The following SLC6A12 variants were observed in gnomAD, a reference collection of about 807,000 sequenced individuals.
SLC6A12 encodes the protein sodium- and chloride-dependent betaine transporter.
In SLC6A12, 50 loss-of-function variants were observed where a neutral mutation model predicts 73.3. The observed-to-expected ratio is 0.68, with a 90% CI of 0.54 to 0.86. The LOEUF (loss-of-function observed/expected upper bound fraction) is 0.86, where lower values mean the gene tolerates loss of function less well. Among genes scored for constraint, SLC6A12 ranks in the 40% least tolerant of loss-of-function variants. The pLI is 0.00. For missense variants in SLC6A12, 648 were observed against 772.8 expected, an observed-to-expected ratio of 0.84 and a Z score of 1.92; for synonymous variants, 304 against 309.2, an observed-to-expected ratio of 0.98 and a Z score of 0.18.
intron 14 of SLC6A12, 34 bp downstream of exon 14, chr12:193,243 G>A (rs766344624): frequency 1.4e-6 from 2 of 1,464,582 alleles, no homozygotes. Context: ...TCTGGGGGCA[G>A]GAAGGAATAG....
At chr12:187,322 T>C (rs1939448605), downstream of SLC6A12, among the ~76,000 whole-genome samples, 1 of 152,042 alleles carries the variant, frequency 6.6e-6, no homozygotes, top group Non-Finnish European at 1.5e-5. Context: ...TGTCCGGAGT[T>C]TGTTCCTTCT....
At chr12:201,979 C>T (rs770265847) in intron 5 of SLC6A12, 130 bp from the exon 6 acceptor site, 8 of 689,120 alleles carry the variant, frequency 1.2e-5, no homozygotes, top group South Asian at 5.3e-5. Context: ...GGAGCCCCCA[C>T]TCTCCAGGGC....
chr12:197,152 T>TCTAC lies in SLC6A12; in HGVS notation c.1075+224_1075+225insGTAG, dbSNP rs1565469061. Reference sequence around the variant, plus strand: ...ATCCATCCATCCATCCATCCATCCATCCATCCATCCATCCATCCATCCATC... The same window carrying TCTAC: ...ATCCATCCATCCATCCATCCATCCATCTACCCATCCATCCATCCATCCATCCATC... On this transcript the variant is annotated intron_variant, in intron 10 of 15. Transcript: ENST00000684302. Among the ~76,000 whole-genome samples the TCTAC allele has an allele frequency of 2.4e-4, 33 of 138,028 alleles. 2 individuals carry two copies. The highest frequency in any genetic ancestry group is 7.7e-4 in the African/African-American group (28 of 36,158). 90.6% of individuals were successfully genotyped at this position (138,028 alleles called of 152,430 possible).
In SLC6A12 at chr12:198,954, A is replaced by G. The variant is rs974351903; in HGVS notation, c.712-23T>C. 4 of 1,613,526 alleles carry G rather than the reference A, an allele frequency of 2.5e-6. No individual in the cohort carries two copies. The highest frequency in any genetic ancestry group is 2.5e-6 in the Non-Finnish European group (3 of 1,179,624). Reference sequence around the variant, plus strand: ...CACCTGGAGGTGGGGGGACAGGCCAAGGTCACTCCTGGTGGGGACGCAGTG... The same window carrying G: ...CACCTGGAGGTGGGGGGACAGGCCAGGGTCACTCCTGGTGGGGACGCAGTG... On this transcript the variant is annotated intron_variant, in intron 7 of 15. Coordinates refer to ENST00000684302, the MANE Select transcript of SLC6A12 (RefSeq NM_001122848.3). This position sits in a 1 kb window ranked among gnomAD's most constrained non-coding sequence, Gnocchi z 4.0.
intron 13 of SLC6A12, chr12:194,090 T>G (rs1939749679): frequency 1.3e-5 from 2 of 152,242 alleles, no homozygotes; most frequent in African/African-American, 4.8e-5. Context: ...CCCTGATGCA[T>G]GAAATCACAC....
At position 198,154 on chromosome 12, in the gene SLC6A12, G is replaced by A. The variant is rs186349264; in HGVS notation, c.847-151C>T. ...CTGCATCCCAACTCTCCGTGAGTGC[G>A]CCCTCCGGTCTCCACGGTGATCTCC... On this transcript the variant is annotated intron_variant, in intron 8 of 15. Coordinates refer to ENST00000684302, the MANE Select transcript of SLC6A12 (RefSeq NM_001122848.3). This position sits in a 1 kb window ranked among gnomAD's most constrained non-coding sequence, Gnocchi z 4.0. The A allele has an allele frequency of 9.3e-4, 590 of 636,446 alleles. 3 individuals are homozygous for A. The Admixed American group carries it at 0.012, about 13-fold the overall frequency. The allele number at this position is 636,446 out of a possible 1,614,324, so 39.4% of individuals were successfully genotyped here. A position where few individuals can be genotyped will look rare whatever the true frequency, so the allele number is the denominator to read the frequency against.
Position 202,879 on chromosome 12 carries a change from GC to G in SLC6A12, c.350del (p.Gly117AlafsTer13). On this transcript the variant is annotated frameshift_variant and splice_region_variant, in exon 5 of 16. Coordinates refer to ENST00000684302, the MANE Select transcript of SLC6A12 (RefSeq NM_001122848.3). LOFTEE classifies it high-confidence loss of function. ...AWRKICPLFQGIGLASVVIES... is the reference protein window; with the variant it reads ...AWRKICPLFQXIGLASVVIES... ...CGATGACCACAGATGCCAGACCAAT[GC>G]CTTCCAGAGTGGGGGAGAGATGGGG... 1 of 1,613,694 alleles carries G rather than the reference GC, an allele frequency of 6.2e-7. No individual in the cohort carries two copies. The highest frequency in any genetic ancestry group is 8.5e-7 in the Non-Finnish European group (1 of 1,179,804).
chr12:196,313 C>T (rs1939863749), intron 11 of SLC6A12, 52 bp from the exon 12 acceptor site: 3 of 1,574,278 alleles, frequency 1.9e-6, no homozygotes, highest in Non-Finnish European at 2.6e-6. Flanking sequence ...GGCTGTTGGC[C>T]ACCAGCCCTG....
downstream of SLC6A12, among the ~76,000 whole-genome samples, chr12:185,718 G>C (rs1039369529): frequency 2.0e-5 from 3 of 152,186 alleles, no homozygotes; most frequent in African/African-American, 7.2e-5. Flanking sequence ...GTGCCAGCAG[G>C]TTCCTCAGAC....
At position 198,276 on chromosome 12, in the gene SLC6A12, C is replaced by T. The variant is rs990952187; in HGVS notation, c.847-273G>A. On this transcript the variant is annotated intron_variant, in intron 8 of 15. Transcript: ENST00000684302. This position sits in a 1 kb window ranked among gnomAD's most constrained non-coding sequence, Gnocchi z 4.0. The stretch of plus-strand genomic sequence containing the variant: ...GGATTTCTCCAGGGGAATCTACAAA[C>T]CATGGCTGCACCCAAGGCCTATCTG... 6.6e-6 allele frequency among the ~76,000 whole-genome samples: 1 copy of T among 152,260 alleles called. No homozygotes were observed. Among genetic ancestry groups the T allele is most frequent in the African/African-American group, 2.4e-5 (1 of 41,470 alleles).
At chr12:206,900 G>C (rs1441223345) in intron 3 of SLC6A12, among the ~76,000 whole-genome samples, 1 of 152,236 alleles carries the variant, frequency 6.6e-6, no homozygotes, top group Non-Finnish European at 1.5e-5. Context: ...GTTGTGTGCA[G>C]AAGGTCCTTC....
At chr12:186,951 G>A (rs1939441965), downstream of SLC6A12, among the ~76,000 whole-genome samples, 1 of 152,118 alleles carries the variant, frequency 6.6e-6, no homozygotes, top group African/African-American at 2.4e-5. Context: ...GCTGTCCCTT[G>A]CGTCGCACCC....
chr12:198,045 G>T lies in SLC6A12; in HGVS notation c.847-42C>A. On this transcript the variant is annotated intron_variant, in intron 8 of 15. Coordinates refer to ENST00000684302, the MANE Select transcript of SLC6A12 (RefSeq NM_001122848.3). This position sits in a 1 kb window ranked among gnomAD's most constrained non-coding sequence, Gnocchi z 4.0. ...GAAAGAGGTAGAGGCAGCCCCCAGG[G>T]CCCAGAGCCAGGGTGACCCGAGATC... The T allele has an allele frequency of 1.3e-6, 2 of 1,553,930 alleles. No homozygotes were observed. The highest frequency in any genetic ancestry group is 1.8e-6 in the Non-Finnish European group (2 of 1,126,266).
At chr12:185,667 A>C (rs117993053), downstream of SLC6A12, among the ~76,000 whole-genome samples, 2,537 of 152,166 alleles carry the variant, frequency 0.017, 45 homozygotes, top group Middle Eastern at 0.092. Context: ...CTGTGGCATC[A>C]TCTGGCAACT....
downstream of SLC6A12, among the ~76,000 whole-genome samples, chr12:185,195 C>T (rs999169199): frequency 6.6e-6 from 1 of 152,350 alleles, no homozygotes; most frequent in African/African-American, 2.4e-5. Flanking sequence ...GGACAGTGAG[C>T]CCAGGTCTCC....
chr12:201,938 C>G, intron 5 of SLC6A12, 89 bp from the exon 6 acceptor site: 3 of 1,066,632 alleles, frequency 2.8e-6, no homozygotes, highest in Non-Finnish European at 4.3e-6. Flanking sequence ...CCTAGTGGTC[C>G]TCACCACTCC....
intron 1 of SLC6A12, among the ~76,000 whole-genome samples, chr12:212,352 C>T (rs913273624): frequency 5.9e-5 from 9 of 152,164 alleles, no homozygotes; most frequent in African/African-American, 1.9e-4. Context: ...AGAGTGGAGG[C>T]TTGCTGGGGG....
chr12:203,230 C>CT (rs1347800725), intron 4 of SLC6A12: 69 of 171,476 alleles, frequency 4.0e-4, no homozygotes, highest in East Asian at 9.8e-4. Flanking sequence ...CTAATTTTAA[C>CT]TTTTTTTTTG....
chr12:211,029 AC>A (rs34265203), intron 2 of SLC6A12: 61,670 of 151,998 alleles, frequency 0.41, 13,924 homozygotes, highest in Non-Finnish European at 0.52. Context: ...TCCCTCTCAT[AC>A]ACACAAACAA....
Sources: allele counts gnomAD v4.1 joint callset (sites outside exome capture counted in the v4.1 genomes callset), GRCh38; gene constraint gnomAD v4.1.1; non-coding constraint Gnocchi (gnomAD v3.1); transcripts MANE v1.5; gene names NCBI Gene and HGNC (gene_info 2026-07-23, HGNC 2026-07-21).